UTS2: variants seen among roughly 807,000 people sequenced by gnomAD.
UTS2 encodes urotensin 2.
Under a neutral mutation model 12.6 loss-of-function variants are expected in UTS2, and 10 were observed. The ratio of observed to expected loss-of-function variants is 0.80; its 90% CI spans 0.49 to 1.35. The LOEUF is 1.35. Among genes scored for constraint, UTS2 ranks in the 40% most tolerant of loss-of-function variants. The pLI, the probability that UTS2 is intolerant of heterozygous loss-of-function variation, is 0.00. For missense variants in UTS2, 142 were observed against 143.2 expected (o/e 0.99, Z 0.04); for synonymous variants, 52 against 50.0 (o/e 1.04, Z -0.17).
the UTS2 span, among the ~76,000 whole-genome samples, chr1:7,910,188 C>G: frequency 2.0e-5 from 3 of 152,066 alleles, no homozygotes; most frequent in African/African-American, 7.2e-5. Context: ...AAACATGAAT[C>G]CCCCTTCCCC....
the UTS2 span, among the ~76,000 whole-genome samples, chr1:7,885,950 G>T: frequency 6.6e-6 from 1 of 150,520 alleles, no homozygotes; most frequent in Admixed American, 6.6e-5. Flanking sequence ...CCCTGGGCCT[G>T]TGTGGCCCTT....
the UTS2 span, among the ~76,000 whole-genome samples, chr1:7,863,594 C>T: frequency 2.0e-5 from 3 of 152,292 alleles, no homozygotes; most frequent in South Asian, 2.1e-4. Flanking sequence ...CCTAGAACAG[C>T]GCCTGGCCTT....
At chr1:7,872,097 C>T in the UTS2 span, among the ~76,000 whole-genome samples, 2 of 151,654 alleles carry the variant, frequency 1.3e-5, no homozygotes, top group African/African-American at 4.8e-5. Context: ...GTCAAGAGAT[C>T]GAGACCATCC....
At chr1:7,909,546 C>CAA in the UTS2 span, among the ~76,000 whole-genome samples, 1 of 104,210 alleles carries the variant, frequency 9.6e-6, no homozygotes. Flanking sequence ...GACTCTGTCT[C>CAA]AAAAAAAAAA....
the UTS2 span, among the ~76,000 whole-genome samples, chr1:7,899,811 T>C: frequency 1.3e-5 from 2 of 152,224 alleles, no homozygotes; most frequent in Non-Finnish European, 1.5e-5. Flanking sequence ...GGCTGAGCTA[T>C]GTAGTTCTGG....
At chr1:7,849,564 C>A (rs993566967) in intron 3 of UTS2, 76 bp downstream of exon 3, 4 of 1,330,016 alleles carry the variant, frequency 3.0e-6, no homozygotes, top group African/African-American at 1.5e-5. Context: ...TCCTCTAGTT[C>A]ATGAATTCAG....
intron 2 of UTS2, 67 bp downstream of exon 2, chr1:7,850,745 A>G: frequency 6.7e-7 from 1 of 1,491,782 alleles, no homozygotes; most frequent in Non-Finnish European, 9.3e-7. Context: ...CCTCTTCTAG[A>G]TGAGGACAGA....
intron 2 of UTS2, among the ~76,000 whole-genome samples, 165 bp from the exon 3 acceptor site, chr1:7,849,848 T>C (rs1444356101): frequency 2.0e-5 from 3 of 152,212 alleles, no homozygotes; most frequent in Non-Finnish European, 4.4e-5. Context: ...CCTGTTCTTA[T>C]CTCGAATTCA....
chr1:7,860,845 C>A, the UTS2 span, among the ~76,000 whole-genome samples: 8 of 151,932 alleles, frequency 5.3e-5, no homozygotes, highest in African/African-American at 1.9e-4. Context: ...GAGTTCGAGA[C>A]CAGCCTGGCC....
the UTS2 span, among the ~76,000 whole-genome samples, chr1:7,897,744 G>A: frequency 2.0e-5 from 3 of 151,906 alleles, no homozygotes; most frequent in Admixed American, 6.6e-5. Flanking sequence ...CCGCCACCAC[G>A]CCCGGCTAAT....
chr1:7,863,566 A>C, the UTS2 span, among the ~76,000 whole-genome samples: 4 of 152,290 alleles, frequency 2.6e-5, no homozygotes, highest in South Asian at 2.1e-4. Flanking sequence ...TGTTTTGCTC[A>C]CTGATGTATC....
rs766643443 is a variant in UTS2, at chr1:7,847,713, T to C, written c.*53A>G. 6.8e-5 allele frequency: 95 copies of C among 1,389,978 alleles called. No homozygotes were observed. Among genetic ancestry groups the C allele is most frequent in the Non-Finnish European group, 9.1e-5 (90 of 989,270 alleles). The allele number at this position is 1,389,978 out of a possible 1,614,324, so 86.1% of individuals were successfully genotyped here. On this transcript the variant is annotated 3_prime_UTR_variant, in exon 4 of 4. Coordinates refer to ENST00000361696, the MANE Select transcript of UTS2 (RefSeq NM_006786.4). ...TTTCAAATCAAGCATTGTGTTATTT[T>C]TCATATTCTAAGATGGGTGTTTCTG...
chr1:7,875,802 C>A, the UTS2 span, among the ~76,000 whole-genome samples: 1 of 152,176 alleles, frequency 6.6e-6, no homozygotes, highest in East Asian at 1.9e-4. Flanking sequence ...ACCATCACTA[C>A]CCACCAGTCC....
chr1:7,865,693 G>GA, the UTS2 span, among the ~76,000 whole-genome samples: 2 of 152,176 alleles, frequency 1.3e-5, no homozygotes, highest in Non-Finnish European at 2.9e-5. Context: ...AGAACTTTGG[G>GA]AGGCTGAGGT....
At chr1:7,899,302 A>G in the UTS2 span, among the ~76,000 whole-genome samples, 1 of 152,320 alleles carries the variant, frequency 6.6e-6, no homozygotes, top group African/African-American at 2.4e-5. Flanking sequence ...GGACACAGAA[A>G]GAAAACAGAG....
chr1:7,873,152 T>G, the UTS2 span, among the ~76,000 whole-genome samples: 1 of 152,160 alleles, frequency 6.6e-6, no homozygotes, highest in Non-Finnish European at 1.5e-5. Flanking sequence ...TAAAAAAAAT[T>G]TCTTCAAAAT....
chr1:7,912,980 T>G, the UTS2 span, among the ~76,000 whole-genome samples: 1 of 132,018 alleles, frequency 7.6e-6, no homozygotes. Context: ...AAAATGCAAG[T>G]ATAGCTTTTT....
the UTS2 span, among the ~76,000 whole-genome samples, chr1:7,909,412 G>A: frequency 6.6e-6 from 1 of 151,770 alleles, no homozygotes; most frequent in Non-Finnish European, 1.5e-5. Flanking sequence ...AGGCATGGTA[G>A]TGCACCCCTG....
At chr1:7,867,242 C>T in the UTS2 span, among the ~76,000 whole-genome samples, 2 of 152,188 alleles carry the variant, frequency 1.3e-5, no homozygotes, top group African/African-American at 4.8e-5. Context: ...ATATGAAGAA[C>T]TTAACACAGT....
Sources: gnomAD v4.1 joint callset for allele counts (sites outside exome capture counted in the v4.1 genomes callset) on GRCh38, gnomAD v4.1.1 for gene constraint, MANE v1.5 for transcripts, NCBI Gene and HGNC (gene_info 2026-07-23, HGNC 2026-07-21) for gene names.